WDFY4: variants seen among roughly 807,000 people sequenced by gnomAD.
The protein encoded by WDFY4 is WD repeat- and FYVE domain-containing protein 4.
A neutral mutation model predicts 351.9 loss-of-function variants in WDFY4; 169 were observed. The observed-to-expected ratio is 0.48, with a 90% CI of 0.42 to 0.55. The LOEUF (loss-of-function observed/expected upper bound fraction) is 0.55, where lower values mean the gene tolerates loss of function less well. Among genes scored for constraint, WDFY4 ranks in the 20% least tolerant of loss-of-function variants. WDFY4 has a pLI of 0.00. For missense variants in WDFY4, 3,803 were observed against 3,935.6 expected (o/e 0.97, Z 0.90); for synonymous variants, 1,622 against 1,574.6 (o/e 1.03, Z -0.71).
chr10:48,817,147 C>G, intron 31 of WDFY4, 98 bp from the exon 32 acceptor site: 1 of 1,371,140 alleles, frequency 7.3e-7, no homozygotes, highest in Non-Finnish European at 9.9e-7. Context: ...TGTTGAAAGT[C>G]TCAGGAAGGA....
chr10:48,834,796 T>C (rs1306823371), intron 39 of WDFY4, among the ~76,000 whole-genome samples: 5 of 152,260 alleles, frequency 3.3e-5, no homozygotes, highest in Non-Finnish European at 5.9e-5. Flanking sequence ...CTCTTGCCAA[T>C]GCCCTTCTCC....
chr10:48,880,014 G>A (rs2070182941), intron 43 of WDFY4, among the ~76,000 whole-genome samples: 1 of 152,206 alleles, frequency 6.6e-6, no homozygotes. Flanking sequence ...GATTTTATCT[G>A]CAAAGTCCCT....
chr10:48,853,474 T>TC (rs2069024134), intron 39 of WDFY4, among the ~76,000 whole-genome samples: 2 of 152,194 alleles, frequency 1.3e-5, no homozygotes, highest in African/African-American at 4.8e-5. Flanking sequence ...CAACTTACTC[T>TC]CCAGATGGTT....
At chr10:48,787,831 TTC>T (rs1438196498) in intron 20 of WDFY4, among the ~76,000 whole-genome samples, 16 of 138,872 alleles carry the variant, frequency 1.2e-4, no homozygotes, top group African/African-American at 5.1e-4. Context: ...CTTCTTCTTC[TTC>T]TTCTTCTTCT....
Position 48,721,248 on chromosome 10 carries a change from C to G in WDFY4, c.350-13C>G, listed in dbSNP as rs926509592. Reference sequence around the variant, plus strand: ...AGGTCGCTGTATGCCCTGCTGGTGACACTTTCTTCCAGAGCAAGCTCGGTT... The same window carrying G: ...AGGTCGCTGTATGCCCTGCTGGTGAGACTTTCTTCCAGAGCAAGCTCGGTT... On this transcript the variant is annotated splice_polypyrimidine_tract_variant and intron_variant, in intron 3 of 61. Transcript: ENST00000325239. 34 of 1,551,348 alleles carry G rather than the reference C, an allele frequency of 2.2e-5. No homozygotes were observed. The highest frequency in any genetic ancestry group is 2.9e-5 in the Non-Finnish European group (33 of 1,146,798).
At chr10:48,802,948 T>C (rs896495341) in intron 24 of WDFY4, among the ~76,000 whole-genome samples, 1 of 152,190 alleles carries the variant, frequency 6.6e-6, no homozygotes, top group Non-Finnish European at 1.5e-5. Flanking sequence ...TCTTGCAGGA[T>C]CCAGGGAGGT....
intron 4 of WDFY4, among the ~76,000 whole-genome samples, chr10:48,721,814 C>T (rs1184033684): frequency 6.6e-6 from 1 of 152,172 alleles, no homozygotes; most frequent in Admixed American, 6.5e-5. Context: ...GGCTTACCTA[C>T]GCTGTGCACC....
chr10:48,981,935 G>A (rs1057375113), intron 61 of WDFY4, among the ~76,000 whole-genome samples: 9 of 152,168 alleles, frequency 5.9e-5, no homozygotes, highest in South Asian at 2.1e-4. Flanking sequence ...TATTTGACTC[G>A]CAGTAACCCA....
At chr10:48,691,215 C>T (rs949264093) in intron 1 of WDFY4, among the ~76,000 whole-genome samples, 3 of 152,016 alleles carry the variant, frequency 2.0e-5, no homozygotes, top group Admixed American at 6.5e-5. Flanking sequence ...ATCAAGGGTC[C>T]GGGCTGGATG....
intron 47 of WDFY4, among the ~76,000 whole-genome samples, chr10:48,933,969 T>C (rs1009376227): frequency 6.6e-6 from 1 of 152,066 alleles, no homozygotes. Flanking sequence ...AACAAACCGG[T>C]CTGCAGACAA....
In WDFY4 at chr10:48,726,057, C is replaced by A. The variant is rs559412179; in HGVS notation, c.768C>A (p.Ile256=). 3 of 1,547,774 alleles carry A rather than the reference C, an allele frequency of 1.9e-6. No individual in the cohort carries two copies. The highest frequency in any genetic ancestry group is 4.9e-5 in the East Asian group (2 of 40,782). The change falls in exon 6 of 62, where the codon ATC becomes ATA. Residue 256 remains isoleucine (I), a synonymous_variant. Transcript: ENST00000325239. The part of the protein sequence containing the change: ...AISKAQNLSI[I]QYLQATDCVR... ...CCAAGGCCCAGAACCTCAGCATCATCCAGTACCTGCAGGGTATGGCCCGGG... is the reference window on the plus strand; with the variant it reads ...CCAAGGCCCAGAACCTCAGCATCATACAGTACCTGCAGGGTATGGCCCGGG...
Position 48,709,703 on chromosome 10 carries a change from G to A in WDFY4, c.-17-13G>A. On this transcript the variant is annotated splice_polypyrimidine_tract_variant and intron_variant, in intron 1 of 61. Transcript: ENST00000325239. ...GTGACAGGAATGTTCACTTCTATTT[G>A]TTCTGAATTCAGATCTGCTTTGCCA... 1 of 1,547,840 alleles carries A rather than the reference G, an allele frequency of 6.5e-7. No homozygotes were observed. The highest frequency in any genetic ancestry group is 8.7e-7 in the Non-Finnish European group (1 of 1,143,456).
At chr10:48,960,970 G>A (rs538347017) in intron 53 of WDFY4, among the ~76,000 whole-genome samples, 3 of 152,218 alleles carry the variant, frequency 2.0e-5, no homozygotes, top group East Asian at 1.9e-4. Context: ...TTTTTGAGCC[G>A]AGGGAAACGT....
At chr10:48,894,846 G>T (rs145433579) in intron 44 of WDFY4, among the ~76,000 whole-genome samples, 9 of 152,362 alleles carry the variant, frequency 5.9e-5, no homozygotes, top group Admixed American at 5.9e-4. Context: ...AAGGTAGGAA[G>T]GAGAATTGTC....
intron 32 of WDFY4, among the ~76,000 whole-genome samples, chr10:48,819,810 C>T (rs186309238): frequency 2.0e-5 from 3 of 152,208 alleles, no homozygotes; most frequent in Non-Finnish European, 4.4e-5. Flanking sequence ...AGATGGGCAC[C>T]GACTCTCTCT....
intron 47 of WDFY4, among the ~76,000 whole-genome samples, chr10:48,918,761 G>C (rs1357184500): frequency 6.6e-6 from 1 of 152,134 alleles, no homozygotes; most frequent in Non-Finnish European, 1.5e-5. Flanking sequence ...GGGTAGGATG[G>C]TGACAGGGCT....
rs140127650 is a variant in WDFY4, at chr10:48,953,302, GTCTCTCTC to G, written c.7978-3802_7978-3795del. Reference sequence around the variant, plus strand: ...GTGCCTGCTTCATCGCATGAGATATGTCTCTCTCTCTCTCTCTCTCTCTCTCTCTCTCA... The same window carrying G: ...GTGCCTGCTTCATCGCATGAGATATGTCTCTCTCTCTCTCTCTCTCTCTCA... On this transcript the variant is annotated intron_variant, in intron 51 of 61. Transcript: ENST00000325239. 2.2e-3 allele frequency among the ~76,000 whole-genome samples: 273 copies of G among 126,024 alleles called. 5 individuals carry two copies. The highest frequency in any genetic ancestry group is 7.6e-3 in the African/African-American group (259 of 33,888). The allele number at this position is 126,024 out of a possible 152,430, so 82.7% of individuals were successfully genotyped here. A position where few individuals can be genotyped will look rare whatever the true frequency, so the allele number is the denominator to read the frequency against.
intron 1 of WDFY4, among the ~76,000 whole-genome samples, chr10:48,701,214 A>G (rs906272761): frequency 6.6e-6 from 1 of 152,224 alleles, no homozygotes; most frequent in Non-Finnish European, 1.5e-5. Flanking sequence ...TTCACTTTGT[A>G]TAATTCTCTC....
At chr10:48,802,871 A>G in intron 24 of WDFY4, 3 of 480,326 alleles carry the variant, frequency 6.2e-6, no homozygotes, top group South Asian at 3.1e-5. Flanking sequence ...GTGAGTGGAG[A>G]CTGTCACTCA....
Sources: gnomAD v4.1 joint callset for allele counts (sites outside exome capture counted in the v4.1 genomes callset) on GRCh38, gnomAD v4.1.1 for gene constraint, MANE v1.5 for transcripts, NCBI Gene and HGNC (gene_info 2026-07-23, HGNC 2026-07-21) for gene names.